LARGE1: variants seen among roughly 807,000 people sequenced by gnomAD.
The protein encoded by LARGE1 is xylosyl- and glucuronyltransferase LARGE1.
Under a neutral mutation model 87.6 loss-of-function variants are expected in LARGE1, and 43 were observed. That is an observed-to-expected ratio of 0.49 (90% CI 0.38 to 0.63). LARGE1 has a LOEUF of 0.63. LARGE1 is among the 30% of genes least tolerant of loss of function. The pLI is 0.00. For synonymous variants in LARGE1, 434 were observed against 394.6 expected, an observed-to-expected ratio of 1.10 and a Z score of -1.18; for missense variants, 802 against 1,000.2, an observed-to-expected ratio of 0.80 and a Z score of 2.67.
chr22:33,255,890 G>A (rs532767169), intron 11 of LARGE1, among the ~76,000 whole-genome samples: 3 of 152,226 alleles, frequency 2.0e-5, no homozygotes, highest in South Asian at 2.1e-4. Context: ...GTCAGTTCCC[G>A]GGATCAAGTT....
chr22:33,740,989 G>A (rs900176918), intron 2 of LARGE1, among the ~76,000 whole-genome samples: 7 of 152,168 alleles, frequency 4.6e-5, no homozygotes, highest in Non-Finnish European at 2.9e-5. Context: ...TAGGCCTTGT[G>A]CAGAGCAATG....
chr22:33,111,574 C>A, the LARGE1 span, among the ~76,000 whole-genome samples: 2 of 152,080 alleles, frequency 1.3e-5, no homozygotes, highest in African/African-American at 4.8e-5. Context: ...CTGACAATTC[C>A]CCCCGTCCAG....
chr22:33,084,462 C>G, the LARGE1 span, among the ~76,000 whole-genome samples: 29 of 151,226 alleles, frequency 1.9e-4, no homozygotes, highest in Non-Finnish European at 4.1e-4. Context: ...AGTTTGAGAC[C>G]AGCCTGGACA....
chr22:33,337,527 T>A, intron 10 of LARGE1, 119 bp downstream of exon 10: 5 of 1,189,728 alleles, frequency 4.2e-6, no homozygotes, highest in Non-Finnish European at 6.1e-6. Context: ...TGGGCACCGA[T>A]GGCGTTGTGT....
the LARGE1 span, among the ~76,000 whole-genome samples, chr22:33,134,083 C>T: frequency 4.6e-5 from 7 of 152,122 alleles, no homozygotes; most frequent in East Asian, 5.8e-4. Flanking sequence ...AGGATGAGTG[C>T]TGTGATGAAG....
At chr22:33,406,520 C>T (rs999759321) in intron 7 of LARGE1, among the ~76,000 whole-genome samples, 3 of 151,988 alleles carry the variant, frequency 2.0e-5, no homozygotes, top group Non-Finnish European at 4.4e-5. Context: ...ACGCACACAC[C>T]CTCACTGTTT....
intron 6 of LARGE1, among the ~76,000 whole-genome samples, chr22:33,524,015 G>A (rs943636520): frequency 6.6e-5 from 10 of 152,058 alleles, no homozygotes; most frequent in South Asian, 2.1e-4. Flanking sequence ...AAGCCCAGCC[G>A]GGTGTGGTGG....
At chr22:33,820,512 G>T (rs1047772850) in intron 1 of LARGE1, among the ~76,000 whole-genome samples, 1 of 151,938 alleles carries the variant, frequency 6.6e-6, no homozygotes, top group African/African-American at 2.4e-5. Context: ...GTAGAGATGA[G>T]ATGGGGGTCT....
chr22:33,885,712 G>A (rs1399138919), intron 1 of LARGE1, among the ~76,000 whole-genome samples: 8 of 152,104 alleles, frequency 5.3e-5, no homozygotes, highest in African/African-American at 1.9e-4. Context: ...ACCTTCCGCT[G>A]GAGCCCAAGT....
intron 6 of LARGE1, among the ~76,000 whole-genome samples, chr22:33,455,757 C>CGAAA (rs1555922337): frequency 3.1e-5 from 2 of 64,232 alleles, no homozygotes; most frequent in Non-Finnish European, 5.8e-5. Flanking sequence ...CTGTCTCAGC[C>CGAAA]AAAAAAAAAA....
At chr22:33,165,938 A>G (rs1175068287) in exon 12 of LARGE1, 1 of 152,210 alleles carries the variant, frequency 6.6e-6, no homozygotes, top group African/African-American at 2.4e-5. Flanking sequence ...CTGTTTAAGG[A>G]AACAAAACAG....
chr22:33,606,340 G>A (rs1460691482), intron 4 of LARGE1, among the ~76,000 whole-genome samples: 1 of 151,930 alleles, frequency 6.6e-6, no homozygotes, highest in African/African-American at 2.4e-5. Context: ...GGGTGGTGGA[G>A]GTTGCAGTGA....
intron 11 of LARGE1, among the ~76,000 whole-genome samples, chr22:33,207,824 C>A (rs961701830): frequency 1.3e-5 from 2 of 152,112 alleles, no homozygotes; most frequent in African/African-American, 4.8e-5. Context: ...GTGGTCCTTG[C>A]AGAATACTCC....
rs1194039664 is a variant in LARGE1, at chr22:33,458,285, T to C, written c.788-26020A>G. On this transcript the variant is annotated intron_variant, in intron 6 of 14. Transcript: ENST00000397394. ...ACGCTCGGCTAATTTTTTGTATTTT[T>C]AGTGGAGACGGGGTTTCACTGTGTC... 2.0e-5 allele frequency among the ~76,000 whole-genome samples: 3 copies of C among 152,072 alleles called. No individual in the cohort carries two copies. In the East Asian group the frequency reaches 5.8e-4, roughly 30 times the overall value.
downstream of LARGE1, among the ~76,000 whole-genome samples, chr22:33,269,385 G>A (rs2145774990): frequency 6.6e-6 from 1 of 152,292 alleles, no homozygotes; most frequent in East Asian, 1.9e-4. Context: ...CTAATGAATT[G>A]CACTTACATG....
intron 7 of LARGE1, among the ~76,000 whole-genome samples, chr22:33,405,125 C>G (rs1206942659): frequency 6.6e-6 from 1 of 152,180 alleles, no homozygotes; most frequent in African/African-American, 2.4e-5. Context: ...GGAGAAAGAT[C>G]GTCCTGCATT....
the LARGE1 span, among the ~76,000 whole-genome samples, chr22:33,088,694 GT>G: frequency 6.6e-6 from 1 of 152,262 alleles, no homozygotes; most frequent in East Asian, 1.9e-4. Flanking sequence ...ACTTTCGTCT[GT>G]TTGTTTTTTA....
intron 1 of LARGE1, among the ~76,000 whole-genome samples, chr22:33,785,038 T>C (rs1156657292): frequency 2.7e-5 from 4 of 150,570 alleles, no homozygotes; most frequent in Admixed American, 2.6e-4. Context: ...TATATACATA[T>C]ATGTGTATAC....
chr22:33,884,668 C>T (rs956839950), intron 1 of LARGE1, among the ~76,000 whole-genome samples: 6 of 152,220 alleles, frequency 3.9e-5, no homozygotes, highest in East Asian at 1.9e-4. Context: ...CCGGCAACCC[C>T]GCCTTTAATC....
Sources: allele counts gnomAD v4.1 joint callset (sites outside exome capture counted in the v4.1 genomes callset), GRCh38; gene constraint gnomAD v4.1.1; transcripts MANE v1.5; gene names NCBI Gene and HGNC (gene_info 2026-07-23, HGNC 2026-07-21).